The following C1orf159 variants were observed in gnomAD, a reference collection of about 807,000 sequenced individuals.
The protein encoded by C1orf159 is chromosome 1 open reading frame 159, also known as uncharacterized protein C1orf159.
C1orf159 carries 19 observed loss-of-function variants against 25.6 expected under a neutral mutation model. The observed-to-expected ratio is 0.74, with a 90% CI of 0.52 to 1.09. The LOEUF (loss-of-function observed/expected upper bound fraction) is 1.09. Ranked by LOEUF, C1orf159 falls within the 50% of genes least tolerant of loss-of-function variation. C1orf159 has a pLI of 0.00. For synonymous variants in C1orf159, 139 were observed against 124.7 expected, an observed-to-expected ratio of 1.12 and a Z score of -0.77; for missense variants, 274 against 290.6, an observed-to-expected ratio of 0.94 and a Z score of 0.42.
chr1:1,085,948 G>C lies in C1orf159; in HGVS notation c.375C>G (p.Leu125=), dbSNP rs1054853761. The C allele has an allele frequency of 6.2e-7, 1 of 1,613,486 alleles. No individual in the cohort carries two copies. The highest frequency in any genetic ancestry group is 8.5e-7 in the Non-Finnish European group (1 of 1,179,818). The stretch of plus-strand genomic sequence containing the variant: ...TGAGGTAGAAGAACCCAGCTACGGA[G>C]AGGATGAGGCCGGAGCTAATGAAGA... ...GTFFISSGLI[L]SVAGFFYLKR... Residue 125 remains leucine, a synonymous_variant, in exon 7 of 10, where the codon CTC becomes CTG. Transcript: ENST00000421241.
At chr1:1,093,338 A>G (rs770614496) in intron 1 of C1orf159, among the ~76,000 whole-genome samples, 3 of 152,246 alleles carry the variant, frequency 2.0e-5, no homozygotes, top group Non-Finnish European at 4.4e-5. Context: ...CAAGATTTCA[A>G]TCAACACTTT....
In C1orf159 at chr1:1,082,964, G is replaced by C. The variant is rs780190897; in HGVS notation, c.526C>G (p.Arg176Gly). 1 of 1,601,392 alleles carries C rather than the reference G, an allele frequency of 6.2e-7. No homozygotes were observed. Among genetic ancestry groups the C allele is most frequent in the Non-Finnish European group, 8.5e-7 (1 of 1,174,814 alleles). ...SSVRKPRYVR[R>G]ERPLDRATDP... ...GTGGCCCTGTCCAGGGGCCGCTCCC[G>C]CCTGACGTAGCGCGGCTTCCGTACT... The change falls in exon 10 of 10, where the codon CGG (arginine) becomes GGG (glycine). Residue 176 changes from arginine to glycine, a missense_variant. Physicochemically the swap from Arg to Gly is moderately radical, Grantham distance 125 (BLOSUM62 -2). Coordinates refer to ENST00000421241, the MANE Select transcript of C1orf159 (RefSeq NM_017891.5).
At chr1:1,108,199 TCAG>T (rs376258279) in intron 1 of C1orf159, among the ~76,000 whole-genome samples, 10 of 133,450 alleles carry the variant, frequency 7.5e-5, no homozygotes, top group African/African-American at 3.1e-4. Flanking sequence ...CCACCATGTC[TCAG>T]CAGCACCGTT....
At chr1:1,090,948 T>C in intron 3 of C1orf159, 3 of 1,550,346 alleles carry the variant, frequency 1.9e-6, no homozygotes, top group Non-Finnish European at 2.6e-6. Context: ...TACCCTCAGC[T>C]TGTGTGTTGA....
At chr1:1,106,640 CCTCA>C (rs1441582851) in intron 1 of C1orf159, 1 of 152,218 alleles carries the variant, frequency 6.6e-6, no homozygotes, top group Admixed American at 6.5e-5. Flanking sequence ...TGCTAGCAGC[CCTCA>C]CTCACTCTCA....
rs147085630 is a variant in C1orf159 at position 1,098,570 on chromosome 1, T to A, written c.-135-6467A>T. Among the ~76,000 whole-genome samples, 335 of 152,352 alleles carry A rather than the reference T, an allele frequency of 2.2e-3. 2 individuals carry two copies. The highest frequency in any genetic ancestry group is 7.4e-3 in the African/African-American group (307 of 41,586). On this transcript the variant is annotated intron_variant, in intron 1 of 9. Transcript: ENST00000421241. ...GGAACTTGTTTTAGGACACAGCAGT[T>A]GGTCTGTGTTGGAAAATGTATCATG...
At chr1:1,094,517 C>T (rs1193159284) in intron 1 of C1orf159, among the ~76,000 whole-genome samples, 1 of 152,100 alleles carries the variant, frequency 6.6e-6, no homozygotes, top group Non-Finnish European at 1.5e-5. Context: ...TCTCCTGCCT[C>T]AGCCTCCTGA....
In C1orf159 at chr1:1,087,383, G is replaced by C. The variant is rs760099964; in HGVS notation, c.244+119C>G. Reference sequence around the variant, plus strand: ...AGACTCGGGAAGAGGGGGCTCCCGGGGCTGTTCCCCAGTGGACAGTGGCTC... The same window carrying C: ...AGACTCGGGAAGAGGGGGCTCCCGGCGCTGTTCCCCAGTGGACAGTGGCTC... On this transcript the variant is annotated intron_variant, in intron 5 of 9. Transcript: ENST00000421241. This position sits in a 1 kb window ranked among gnomAD's most constrained non-coding sequence, Gnocchi z 8.3. The C allele has an allele frequency of 1.0e-4, 122 of 1,194,714 alleles. 1 individual carries two copies. The highest frequency in any genetic ancestry group is 2.0e-4 in the Middle Eastern group (1 of 4,996). The allele number at this position is 1,194,714 out of a possible 1,614,324, so 74.0% of individuals were successfully genotyped here.
At chr1:1,115,736 CCCCCTCCCCA>C (rs1196349281) in intron 1 of C1orf159, among the ~76,000 whole-genome samples, 1 of 92,010 alleles carries the variant, frequency 1.1e-5, no homozygotes, top group Admixed American at 1.0e-4. Flanking sequence ...TCCTTAGGGA[CCCCCTCCCCA>C]CCCCTCCCCG....
chr1:1,096,107 A>C (rs1001649784), intron 1 of C1orf159, among the ~76,000 whole-genome samples: 7 of 152,208 alleles, frequency 4.6e-5, no homozygotes, highest in African/African-American at 1.7e-4. Context: ...GTGTTCATGA[A>C]GGATAGTGGT....
At chr1:1,105,925 AAT>A (rs1381507380) in intron 1 of C1orf159, 1 of 152,210 alleles carries the variant, frequency 6.6e-6, no homozygotes, top group Non-Finnish European at 1.5e-5. Flanking sequence ...ATAAAATAGT[AAT>A]AAGTGTGTTG....
At chr1:1,083,779 T>C in intron 9 of C1orf159, 2 of 795,810 alleles carry the variant, frequency 2.5e-6, no homozygotes, top group Non-Finnish European at 4.0e-6. Flanking sequence ...AAAGGCACGG[T>C]CACCTGCCCC....
Position 1,110,323 on chromosome 1 carries a change from G to A in C1orf159, c.-136+5737C>T, listed in dbSNP as rs1646240357. 6.6e-6 allele frequency among the ~76,000 whole-genome samples: 1 copy of A among 152,216 alleles called. No individual in the cohort carries two copies. The highest frequency in any genetic ancestry group is 2.4e-5 in the African/African-American group (1 of 41,516). ...CAAGAGGGAGCTCGTTCAGTCGGCG[G>A]GGGACTTAGGATTTTATTCTTAGTT... On this transcript the variant is annotated intron_variant, in intron 1 of 9. Transcript: ENST00000421241. The surrounding 1 kb of genome is among the most constrained non-coding windows in gnomAD (Gnocchi z 4.8).
At chr1:1,107,488 C>A (rs573642554) in intron 1 of C1orf159, among the ~76,000 whole-genome samples, 1 of 152,184 alleles carries the variant, frequency 6.6e-6, no homozygotes, top group African/African-American at 2.4e-5. Context: ...ATGCACCAAT[C>A]GCTGCTCTGT....
intron 1 of C1orf159, among the ~76,000 whole-genome samples, chr1:1,102,614 TAAAAAAAAAAAAAAAA>T (rs1170365187): frequency 3.8e-4 from 13 of 34,132 alleles, no homozygotes; most frequent in East Asian, 2.0e-3. Flanking sequence ...CTGTCTCTAC[TAAAAAAAAAAAAAAAA>T]AAAAAAAAAA....
intron 9 of C1orf159, chr1:1,083,279 C>A: frequency 2.5e-6 from 1 of 399,146 alleles, no homozygotes; most frequent in Non-Finnish European, 4.5e-6. Flanking sequence ...ATGTGGGTCC[C>A]AGAGTATCAT....
chr1:1,090,827 C>T (rs763340384), intron 3 of C1orf159: 217 of 1,471,356 alleles, frequency 1.5e-4, no homozygotes, highest in African/African-American at 3.9e-4. Context: ...GACGAATTCA[C>T]GCCCAGGTGC....
At chr1:1,084,172 GC>G in intron 9 of C1orf159, 180 bp downstream of exon 9, 2 of 1,535,110 alleles carry the variant, frequency 1.3e-6, no homozygotes, top group Non-Finnish European at 1.8e-6. Flanking sequence ...GAGATCCAGA[GC>G]AGGGGGCACC....
At chr1:1,115,614 C>T (rs1273576169) in intron 1 of C1orf159, among the ~76,000 whole-genome samples, 8 of 80,206 alleles carry the variant, frequency 1.0e-4, no homozygotes, top group Non-Finnish European at 1.1e-4. Flanking sequence ...TCCCCAGGGA[C>T]CCCCCTCCCT....
Sources: gnomAD v4.1 joint callset for allele counts (sites outside exome capture counted in the v4.1 genomes callset) on GRCh38, gnomAD v4.1.1 for gene constraint, Gnocchi (gnomAD v3.1) non-coding constraint, MANE v1.5 for transcripts, NCBI Gene and HGNC (gene_info 2026-07-23, HGNC 2026-07-21) for gene names.